SLC9A9: variants seen among roughly 807,000 people sequenced by gnomAD.
SLC9A9 encodes sodium/hydrogen exchanger 9.
In SLC9A9, 62 loss-of-function variants were observed where a neutral mutation model predicts 77.8. The ratio of observed to expected loss-of-function variants is 0.80; its 90% CI spans 0.65 to 0.98. The LOEUF (loss-of-function observed/expected upper bound fraction) is 0.98, where lower values mean the gene tolerates loss of function less well. SLC9A9 is among the 50% of genes least tolerant of loss of function. The pLI is 0.00. For missense variants in SLC9A9, 775 were observed against 774.9 expected, an observed-to-expected ratio of 1.00 and a Z score of 0.00; for synonymous variants, 320 against 283.5, an observed-to-expected ratio of 1.13 and a Z score of -1.29.
At chr3:143,831,108 A>G (rs1305083458) in intron 2 of SLC9A9, among the ~76,000 whole-genome samples, 1 of 152,066 alleles carries the variant, frequency 6.6e-6, no homozygotes, top group Non-Finnish European at 1.5e-5. Flanking sequence ...CAAACCTCTT[A>G]AAATGGAAAA....
chr3:143,293,934 A>C (rs1316607407), intron 14 of SLC9A9, among the ~76,000 whole-genome samples: 1 of 152,242 alleles, frequency 6.6e-6, no homozygotes, highest in Non-Finnish European at 1.5e-5. Context: ...CAGCGTTAAA[A>C]AAATAAATCT....
intron 4 of SLC9A9, among the ~76,000 whole-genome samples, chr3:143,787,474 C>T (rs890084434): frequency 1.3e-5 from 2 of 152,128 alleles, no homozygotes; most frequent in African/African-American, 4.8e-5. Flanking sequence ...ACCTTTACAC[C>T]TCCATACATG....
In SLC9A9 at chr3:143,413,001, G is replaced by A. The variant is rs1231539403; in HGVS notation, c.1470-30887C>T. 3.9e-5 allele frequency among the ~76,000 whole-genome samples: 6 copies of A among 152,196 alleles called. No individual in the cohort carries two copies. In the East Asian group the frequency reaches 1.2e-3, roughly 29 times the overall value. On this transcript the variant is annotated intron_variant, in intron 12 of 15. Transcript: ENST00000316549. The stretch of plus-strand genomic sequence containing the variant: ...AGTTTTAAACAGAGGAACTGGTCCT[G>A]AACATCCAGGGATTTGTGGGCTTTC...
intron 6 of SLC9A9, among the ~76,000 whole-genome samples, chr3:143,580,512 G>C (rs760850922): frequency 2.0e-5 from 3 of 152,062 alleles, no homozygotes; most frequent in Non-Finnish European, 2.9e-5. Context: ...CATTATTTAT[G>C]TACGTTTTTC....
At chr3:143,581,336 G>A (rs942357130) in intron 6 of SLC9A9, among the ~76,000 whole-genome samples, 1 of 152,174 alleles carries the variant, frequency 6.6e-6, no homozygotes, top group Non-Finnish European at 1.5e-5. Flanking sequence ...AAGTTCCATG[G>A]TGAGAATATA....
chr3:143,580,831 T>C (rs1487494595), intron 6 of SLC9A9, among the ~76,000 whole-genome samples: 1 of 152,202 alleles, frequency 6.6e-6, no homozygotes, highest in Admixed American at 6.5e-5. Flanking sequence ...CCTATGGAGA[T>C]TGTCCATTGA....
intron 2 of SLC9A9, among the ~76,000 whole-genome samples, chr3:143,814,243 G>A (rs2008945500): frequency 6.6e-6 from 1 of 152,202 alleles, no homozygotes; most frequent in African/African-American, 2.4e-5. Context: ...TGCTCACTAA[G>A]TTGGAGGTGC....
chr3:143,844,103 A>G lies in SLC9A9; in HGVS notation c.175+4045T>C, dbSNP rs185907048. On this transcript the variant is annotated intron_variant, in intron 1 of 15. Coordinates refer to ENST00000316549, the MANE Select transcript of SLC9A9 (RefSeq NM_173653.4). ...ATAATGGATTATTTATACTATTTGG[A>G]GTATCATATGAATCTCTGATTGACA... Among the ~76,000 whole-genome samples the G allele has an allele frequency of 7.1e-3, 1,086 of 152,320 alleles. 7 individuals are homozygous for G. Among genetic ancestry groups the G allele is most frequent in the Middle Eastern group, 0.014 (4 of 294 alleles).
chr3:143,363,534 C>A lies in SLC9A9; in HGVS notation c.1554G>T (p.Thr518=). 1 of 1,612,868 alleles carries A rather than the reference C, an allele frequency of 6.2e-7. No homozygotes were observed. The highest frequency in any genetic ancestry group is 1.7e-5 in the Admixed American group (1 of 59,906). Residue 518 remains threonine, a synonymous_variant, in exon 14 of 16, where the codon ACG becomes ACT. Transcript: ENST00000316549. ...TGAAGAGCCGAGCACTCTCTGCTTTCGTCATGTTTTTATCCAAGTTATTTG... is the reference window on the plus strand; with the variant it reads ...TGAAGAGCCGAGCACTCTCTGCTTTAGTCATGTTTTTATCCAAGTTATTTG... ...QEANNLDKNM[T]KAESARLFRM... is the part of the protein sequence containing the mutation.
chr3:143,741,703 C>G (rs886467475), intron 4 of SLC9A9, among the ~76,000 whole-genome samples: 10 of 152,102 alleles, frequency 6.6e-5, no homozygotes, highest in African/African-American at 2.4e-4. Flanking sequence ...ATTATGCTGA[C>G]AGTATGTAGT....
intron 14 of SLC9A9, among the ~76,000 whole-genome samples, chr3:143,296,293 C>A (rs1349306449): frequency 6.6e-6 from 1 of 152,196 alleles, no homozygotes; most frequent in Non-Finnish European, 1.5e-5. Context: ...TTGGATACCT[C>A]ATGTAAGTGG....
intron 11 of SLC9A9, among the ~76,000 whole-genome samples, chr3:143,467,995 A>T (rs2035314297): frequency 6.6e-6 from 1 of 152,176 alleles, no homozygotes; most frequent in South Asian, 2.1e-4. Context: ...TTGCTGAATT[A>T]TTGACAGTTG....
chr3:143,788,726 T>C (rs2008131365), intron 4 of SLC9A9, among the ~76,000 whole-genome samples: 1 of 147,410 alleles, frequency 6.8e-6, no homozygotes, highest in Non-Finnish European at 1.5e-5. Context: ...TCTCTGATGA[T>C]GTATACTTCA....
intron 14 of SLC9A9, among the ~76,000 whole-genome samples, chr3:143,345,935 T>C (rs1251067418): frequency 6.6e-6 from 1 of 152,158 alleles, no homozygotes; most frequent in African/African-American, 2.4e-5. Context: ...AAGAAGGATC[T>C]CATTTATTCA....
At chr3:143,553,251 C>T (rs367763406) in intron 8 of SLC9A9, among the ~76,000 whole-genome samples, 39 of 152,048 alleles carry the variant, frequency 2.6e-4, no homozygotes, top group East Asian at 2.1e-3. Flanking sequence ...ACCATGAGAC[C>T]GACATGCTAT....
intron 4 of SLC9A9, among the ~76,000 whole-genome samples, chr3:143,707,585 T>C (rs1379917196): frequency 6.6e-6 from 1 of 152,184 alleles, no homozygotes; most frequent in Non-Finnish European, 1.5e-5. Flanking sequence ...TTGTTCCTGA[T>C]AAAATGTCTC....
intron 8 of SLC9A9, among the ~76,000 whole-genome samples, chr3:143,567,352 A>T (rs918213505): frequency 2.0e-5 from 3 of 152,160 alleles, no homozygotes. Flanking sequence ...TGGCAGACAC[A>T]TCCACATATG....
chr3:143,721,136 C>T (rs541262688), intron 4 of SLC9A9, among the ~76,000 whole-genome samples: 11 of 152,216 alleles, frequency 7.2e-5, no homozygotes, highest in Middle Eastern at 3.4e-3. Context: ...GAAGATCCCT[C>T]AAGTTTAGGA....
rs796267230 is a variant in SLC9A9 at position 143,826,259 on chromosome 3, G to GAA, written c.378+5758_378+5759dup. The stretch of plus-strand genomic sequence containing the variant: ...GGGCGACAGAGCAAGACTCTGTCTT[G>GAA]AAAAAAAAAAAAAACCACCATATTT... On this transcript the variant is annotated intron_variant, in intron 2 of 15. Coordinates refer to ENST00000316549, the MANE Select transcript of SLC9A9 (RefSeq NM_173653.4). Among the ~76,000 whole-genome samples the GAA allele has an allele frequency of 8.3e-3, 1,228 of 148,818 alleles. 7 individuals are homozygous for GAA. The highest frequency in any genetic ancestry group is 0.014 in the Middle Eastern group (4 of 290).
Sources: gnomAD v4.1 joint callset for allele counts (sites outside exome capture counted in the v4.1 genomes callset) on GRCh38, gnomAD v4.1.1 for gene constraint, MANE v1.5 for transcripts, NCBI Gene and HGNC (gene_info 2026-07-23, HGNC 2026-07-21) for gene names.